The following FAM163B variants were observed in gnomAD, a reference collection of about 807,000 sequenced individuals.
FAM163B encodes the protein protein FAM163B.
In FAM163B, 4 loss-of-function variants were observed where a neutral mutation model predicts 7.6. That is an observed-to-expected ratio of 0.52 (90% CI 0.26 to 1.20). The LOEUF (loss-of-function observed/expected upper bound fraction) is 1.20, where lower values mean the gene tolerates loss of function less well. FAM163B is among the 50% of genes most tolerant of loss of function. The pLI is 0.14. For synonymous variants in FAM163B, 120 were observed against 111.6 expected, an observed-to-expected ratio of 1.07 and a Z score of -0.47; for missense variants, 250 against 243.0, an observed-to-expected ratio of 1.03 and a Z score of -0.19.
chr9:133,580,324 G>A (rs1329774305), intron 1 of FAM163B, 78 bp from the exon 2 acceptor site: 2 of 1,173,566 alleles, frequency 1.7e-6, no homozygotes, highest in African/African-American at 3.0e-5. Flanking sequence ...AGAGAACTGA[G>A]AAGACAAGCT....
At chr9:133,590,620 A>C (rs1311702735) in intron 1 of FAM163B, among the ~76,000 whole-genome samples, 1 of 152,186 alleles carries the variant, frequency 6.6e-6, no homozygotes, top group Non-Finnish European at 1.5e-5. Context: ...ATGCTCAGTA[A>C]AGCCCTCGCT....
Position 133,600,218 on chromosome 9 carries a change from TG to T in FAM163B, c.-24+8858del, listed in dbSNP as rs370763193. 8.8e-5 allele frequency among the ~76,000 whole-genome samples: 13 copies of T among 148,440 alleles called. No homozygotes were observed. Among genetic ancestry groups the T allele is most frequent in the Admixed American group, 4.7e-4 (7 of 14,942 alleles). ...TGTGGTCTGTGTGAGTGTGTGTGTG[TG>T]GGGGGGAATGTGGTCTGTGTGCATG... On this transcript the variant is annotated intron_variant, in intron 1 of 2. Coordinates refer to ENST00000673969, the MANE Select transcript of FAM163B (RefSeq NM_001080515.3). The surrounding 1 kb of genome is among the most constrained non-coding windows in gnomAD (Gnocchi z 4.9).
intron 1 of FAM163B, among the ~76,000 whole-genome samples, chr9:133,603,253 G>A (rs573016711): frequency 5.3e-5 from 8 of 152,286 alleles, no homozygotes; most frequent in South Asian, 2.1e-4. Flanking sequence ...GCACCCAGGC[G>A]CCTCCTCCCC....
intron 1 of FAM163B, among the ~76,000 whole-genome samples, chr9:133,585,201 G>C (rs985953137): frequency 1.3e-5 from 2 of 152,198 alleles, no homozygotes; most frequent in Admixed American, 1.3e-4. Context: ...CACCGGCACC[G>C]AGGAATGAAT....
chr9:133,608,353 C>T (rs1285020390), intron 1 of FAM163B, among the ~76,000 whole-genome samples: 2 of 152,234 alleles, frequency 1.3e-5, no homozygotes, highest in Non-Finnish European at 2.9e-5. Flanking sequence ...TGGGGTGAGA[C>T]AGTGGAGCCC....
At chr9:133,588,386 G>C (rs908282471) in intron 1 of FAM163B, among the ~76,000 whole-genome samples, 7 of 151,982 alleles carry the variant, frequency 4.6e-5, no homozygotes, top group Non-Finnish European at 7.4e-5. Context: ...ATTTGGGGAA[G>C]AACTTGCAAA....
chr9:133,595,304 C>A (rs1431186965), intron 1 of FAM163B, among the ~76,000 whole-genome samples: 1 of 152,204 alleles, frequency 6.6e-6, no homozygotes, highest in Admixed American at 6.5e-5. Context: ...TGCCAGCACA[C>A]CCGGCTAATT....
At chr9:133,584,031 A>G (rs1226863413) in intron 1 of FAM163B, among the ~76,000 whole-genome samples, 1 of 122,586 alleles carries the variant, frequency 8.2e-6, no homozygotes, top group African/African-American at 3.6e-5. Flanking sequence ...GCTGTGCCCC[A>G]CCCTCTGGGA....
intron 1 of FAM163B, among the ~76,000 whole-genome samples, chr9:133,581,839 C>A (rs1428856890): frequency 6.6e-6 from 1 of 152,210 alleles, no homozygotes; most frequent in Non-Finnish European, 1.5e-5. Flanking sequence ...CTAATGACTG[C>A]AGCTGCTCTC....
At chr9:133,598,552 G>T (rs1450043955) in intron 1 of FAM163B, among the ~76,000 whole-genome samples, 1 of 143,200 alleles carries the variant, frequency 7.0e-6, no homozygotes, top group Non-Finnish European at 1.5e-5. Context: ...AACAGTTGGG[G>T]CACTTAGATA....
chr9:133,607,739 A>G (rs1831807166), intron 1 of FAM163B, among the ~76,000 whole-genome samples: 1 of 152,242 alleles, frequency 6.6e-6, no homozygotes, highest in African/African-American at 2.4e-5. Flanking sequence ...AGCATCGTGC[A>G]GATGCTCAAC....
chr9:133,609,029 G>T (rs947204315), intron 1 of FAM163B, among the ~76,000 whole-genome samples, 48 bp downstream of exon 1: 2 of 152,226 alleles, frequency 1.3e-5, no homozygotes. Flanking sequence ...TTTCCAGCCT[G>T]CGTCTTCTGC....
intron 1 of FAM163B, among the ~76,000 whole-genome samples, chr9:133,598,042 GT>G (rs1301884080): frequency 6.6e-6 from 1 of 151,938 alleles, no homozygotes; most frequent in Admixed American, 6.5e-5. Context: ...TTCTCACTGG[GT>G]TTGGGTCCCA....
intron 1 of FAM163B, among the ~76,000 whole-genome samples, chr9:133,583,720 G>C (rs1390254064): frequency 6.6e-6 from 1 of 152,234 alleles, no homozygotes; most frequent in Non-Finnish European, 1.5e-5. Flanking sequence ...AGAGCAGCCT[G>C]GCGGCGTGAC....
chr9:133,593,657 A>G (rs3025305), intron 1 of FAM163B, among the ~76,000 whole-genome samples: 23,559 of 152,212 alleles, frequency 0.15, 2,165 homozygotes, highest in African/African-American at 0.24. Flanking sequence ...GAGAATTATG[A>G]CAATCTCCAG....
intron 1 of FAM163B, among the ~76,000 whole-genome samples, chr9:133,594,131 T>C (rs928160471): frequency 2.0e-5 from 3 of 152,252 alleles, no homozygotes; most frequent in African/African-American, 4.8e-5. Flanking sequence ...CCTATCCCAG[T>C]GGCCACGTCC....
In FAM163B at chr9:133,578,862, G is replaced by C. The variant is rs62575364; in HGVS notation, c.*160C>G. ...GTTCAATGAGCCTTATCCCTGCCAC[G>C]AGCCTGGGGGCTCCCCAAGCCTGGG... On this transcript the variant is annotated 3_prime_UTR_variant, in exon 3 of 3. Transcript: ENST00000673969. The C allele has an allele frequency of 1.5e-6, 2 of 1,348,698 alleles. No individual in the cohort carries two copies. The highest frequency in any genetic ancestry group is 1.9e-6 in the Non-Finnish European group (2 of 1,027,036). The allele number at this position is 1,348,698 out of a possible 1,614,324, so 83.5% of individuals were successfully genotyped here.
chr9:133,589,971 G>C (rs1385216887), intron 1 of FAM163B, among the ~76,000 whole-genome samples: 9 of 151,992 alleles, frequency 5.9e-5, no homozygotes, highest in Admixed American at 5.9e-4. Context: ...CTGGCTTTTT[G>C]TCTCCCTTAA....
chr9:133,607,790 C>T (rs1016978643), intron 1 of FAM163B, among the ~76,000 whole-genome samples: 1 of 152,186 alleles, frequency 6.6e-6, no homozygotes, highest in Non-Finnish European at 1.5e-5. Flanking sequence ...CAAAACCCCA[C>T]ATTTCCTGGG....
Sources: gnomAD v4.1 joint callset for allele counts (sites outside exome capture counted in the v4.1 genomes callset) on GRCh38, gnomAD v4.1.1 for gene constraint, Gnocchi (gnomAD v3.1) non-coding constraint, MANE v1.5 for transcripts, NCBI Gene and HGNC (gene_info 2026-07-23, HGNC 2026-07-21) for gene names.